The following KCNQ5 variants were observed in gnomAD, a reference collection of about 807,000 sequenced individuals.
The protein encoded by KCNQ5 is potassium voltage-gated channel subfamily Q member 5.
In KCNQ5, 30 loss-of-function variants were observed where a neutral mutation model predicts 98.2. That is an observed-to-expected ratio of 0.31 (90% CI 0.23 to 0.41). The LOEUF is 0.41. Ranked by LOEUF, KCNQ5 falls within the 10% of genes least tolerant of loss-of-function variation. The pLI, the probability that KCNQ5 is intolerant of heterozygous loss-of-function variation, is 1.00. For synonymous variants in KCNQ5, 458 were observed against 449.4 expected, an observed-to-expected ratio of 1.02 and a Z score of -0.24; for missense variants, 835 against 1,182.5, an observed-to-expected ratio of 0.71 and a Z score of 4.31.
chr6:72,907,071 G>A (rs1214274919), intron 1 of KCNQ5, among the ~76,000 whole-genome samples: 1 of 152,140 alleles, frequency 6.6e-6, no homozygotes, highest in Admixed American at 6.5e-5. Flanking sequence ...ATTATATGGT[G>A]CCTTTTAGAT....
intron 1 of KCNQ5, among the ~76,000 whole-genome samples, chr6:72,714,461 G>GAAA (rs371071602): frequency 7.0e-6 from 1 of 143,560 alleles, no homozygotes; most frequent in African/African-American, 2.6e-5. Flanking sequence ...CCACTAAACT[G>GAAA]AAAAAAAAAA....
At chr6:72,785,299 A>C (rs1399080737) in intron 1 of KCNQ5, among the ~76,000 whole-genome samples, 1 of 152,142 alleles carries the variant, frequency 6.6e-6, no homozygotes, top group Non-Finnish European at 1.5e-5. Flanking sequence ...GGTTGAAGAC[A>C]CCATGGAGCT....
intron 1 of KCNQ5, among the ~76,000 whole-genome samples, chr6:72,949,920 C>T (rs1291404173): frequency 6.6e-6 from 1 of 151,900 alleles, no homozygotes; most frequent in Non-Finnish European, 1.5e-5. Flanking sequence ...AAGTTCTTCC[C>T]TTTTTTTCAA....
At chr6:73,052,108 A>G (rs4349773) in intron 3 of KCNQ5, among the ~76,000 whole-genome samples, 141,025 of 152,230 alleles carry the variant, frequency 0.93, 65,884 homozygotes, top group East Asian at 0.99. Context: ...CAAATATAAC[A>G]GCAGAATCGA....
intron 10 of KCNQ5, among the ~76,000 whole-genome samples, chr6:73,150,315 A>G (rs1777099375): frequency 6.6e-6 from 1 of 151,752 alleles, no homozygotes; most frequent in African/African-American, 2.4e-5. Flanking sequence ...CTATCTGACC[A>G]AGTAATTTTA....
At chr6:72,996,641 C>A (rs1355720194) in intron 1 of KCNQ5, among the ~76,000 whole-genome samples, 2 of 152,090 alleles carry the variant, frequency 1.3e-5, no homozygotes, top group African/African-American at 4.8e-5. Context: ...TTTTTGAAAC[C>A]AAACTTTTGC....
At chr6:72,933,309 C>A (rs1055265729) in intron 1 of KCNQ5, among the ~76,000 whole-genome samples, 1 of 152,164 alleles carries the variant, frequency 6.6e-6, no homozygotes, top group African/African-American at 2.4e-5. Context: ...CCTTTCCTGG[C>A]CGGAATGTTT....
At chr6:72,786,742 C>T (rs1332975571) in intron 1 of KCNQ5, among the ~76,000 whole-genome samples, 3 of 152,044 alleles carry the variant, frequency 2.0e-5, no homozygotes, top group Admixed American at 2.0e-4. Flanking sequence ...CGCGGTGGCT[C>T]ACGCCTGTAA....
In KCNQ5 at chr6:72,652,428, T is replaced by C. The variant is rs187469211; in HGVS notation, c.398+29841T>C. Among the ~76,000 whole-genome samples, 180 of 151,890 alleles carry C rather than the reference T, an allele frequency of 1.2e-3. 2 individuals carry two copies. Among genetic ancestry groups the C allele is most frequent in the Non-Finnish European group, 2.4e-4 (16 of 67,858 alleles). On this transcript the variant is annotated intron_variant, in intron 1 of 13. Transcript: ENST00000370398. ...TCTCCCTCTTCTTTTCTCCTGGTTTTTCCCCCTCCCTCTTTACCTTTTCTC... is the reference window on the plus strand; with the variant it reads ...TCTCCCTCTTCTTTTCTCCTGGTTTCTCCCCCTCCCTCTTTACCTTTTCTC...
At chr6:73,090,304 A>G (rs924965187) in intron 5 of KCNQ5, among the ~76,000 whole-genome samples, 6 of 152,018 alleles carry the variant, frequency 3.9e-5, no homozygotes, top group African/African-American at 1.5e-4. Flanking sequence ...TAGATTCTAG[A>G]TATTCATCCT....
chr6:72,637,198 A>T (rs947254654), intron 1 of KCNQ5, among the ~76,000 whole-genome samples: 1 of 152,112 alleles, frequency 6.6e-6, no homozygotes, highest in Non-Finnish European at 1.5e-5. Context: ...TTGTTTGGAG[A>T]TGTTATTTTT....
At chr6:73,193,726 T>C (rs950700941) in intron 13 of KCNQ5, among the ~76,000 whole-genome samples, 4 of 151,992 alleles carry the variant, frequency 2.6e-5, no homozygotes, top group African/African-American at 9.7e-5. Context: ...AGATTGATGC[T>C]TAAGGTATTG....
chr6:72,849,983 A>G (rs564452703), intron 1 of KCNQ5, among the ~76,000 whole-genome samples: 80 of 152,238 alleles, frequency 5.3e-4, no homozygotes, highest in African/African-American at 1.8e-3. Flanking sequence ...TTCCTTATCT[A>G]AATATATTGG....
At chr6:72,987,926 G>T (rs1056674821) in intron 1 of KCNQ5, among the ~76,000 whole-genome samples, 2 of 152,108 alleles carry the variant, frequency 1.3e-5, no homozygotes, top group Non-Finnish European at 2.9e-5. Flanking sequence ...GGCATAAGTG[G>T]GTTATTCAGT....
intron 11 of KCNQ5, among the ~76,000 whole-genome samples, chr6:73,179,382 C>A (rs1778328214): frequency 6.6e-6 from 1 of 152,106 alleles, no homozygotes; most frequent in Admixed American, 6.5e-5. Context: ...CTTATAAAAC[C>A]ACCAGTTCCT....
At chr6:72,845,134 C>T (rs1400618184) in intron 1 of KCNQ5, among the ~76,000 whole-genome samples, 2 of 152,160 alleles carry the variant, frequency 1.3e-5, no homozygotes, top group East Asian at 3.8e-4. Flanking sequence ...TAGAAGGGTA[C>T]TTCTAATATT....
chr6:72,824,850 C>G (rs1032171663), intron 1 of KCNQ5, among the ~76,000 whole-genome samples: 3 of 151,698 alleles, frequency 2.0e-5, no homozygotes. Flanking sequence ...AATTTGGATA[C>G]GTAAATAGTC....
At chr6:72,826,639 T>C (rs532544670) in intron 1 of KCNQ5, among the ~76,000 whole-genome samples, 1 of 152,268 alleles carries the variant, frequency 6.6e-6, no homozygotes, top group South Asian at 2.1e-4. Flanking sequence ...GATAGTGATG[T>C]TTCAATCCAT....
intron 1 of KCNQ5, among the ~76,000 whole-genome samples, chr6:72,938,541 G>A (rs909327234): frequency 3.1e-5 from 2 of 63,990 alleles, no homozygotes; most frequent in Non-Finnish European, 3.4e-5. Flanking sequence ...CACCACACCC[G>A]GCTAATTCTT....
Sources: allele counts gnomAD v4.1 joint callset (sites outside exome capture counted in the v4.1 genomes callset), GRCh38; gene constraint gnomAD v4.1.1; transcripts MANE v1.5; gene names NCBI Gene and HGNC (gene_info 2026-07-23, HGNC 2026-07-21).